The following MS4A6A variants were observed in gnomAD, a reference collection of about 807,000 sequenced individuals.
MS4A6A encodes membrane spanning 4-domains A6A, also known as membrane-spanning 4-domains subfamily A member 6A.
A neutral mutation model predicts 20.6 loss-of-function variants in MS4A6A; 19 were observed. That is an observed-to-expected ratio of 0.92 (90% CI 0.64 to 1.36). MS4A6A has a LOEUF of 1.36. MS4A6A is among the 40% of genes most tolerant of loss of function. The pLI is 0.00. For synonymous variants in MS4A6A, 108 were observed against 105.0 expected, an observed-to-expected ratio of 1.03 and a Z score of -0.17; for missense variants, 272 against 261.1, an observed-to-expected ratio of 1.04 and a Z score of -0.29.
chr11:60,180,884 C>T, intron 2 of MS4A6A: 4 of 367,210 alleles, frequency 1.1e-5, no homozygotes, highest in Non-Finnish European at 2.1e-5. Context: ...CCTTATGTCA[C>T]ATGAGCCTCA....
downstream of MS4A6A, among the ~76,000 whole-genome samples, chr11:60,171,827 T>C (rs1321216038): frequency 6.6e-6 from 1 of 152,218 alleles, no homozygotes; most frequent in Non-Finnish European, 1.5e-5. Context: ...ATCCATTGAA[T>C]GATCATTCTG....
chr11:60,183,125 G>A (rs2083828422), upstream of MS4A6A: 1 of 1,535,460 alleles, frequency 6.5e-7, no homozygotes, highest in South Asian at 1.2e-5. Context: ...TATACAGGAT[G>A]TGATACTCAC....
At chr11:60,174,425 C>T (rs1856735415) in intron 5 of MS4A6A, among the ~76,000 whole-genome samples, 1 of 151,636 alleles carries the variant, frequency 6.6e-6, no homozygotes, top group Admixed American at 6.6e-5. Context: ...CTCCCAGGCT[C>T]AGGTAATTCT....
chr11:60,176,490 A>G (rs1461020306), intron 4 of MS4A6A, among the ~76,000 whole-genome samples: 1 of 152,150 alleles, frequency 6.6e-6, no homozygotes, highest in African/African-American at 2.4e-5. Flanking sequence ...TTGTACTCCA[A>G]CTCACACAGA....
At position 60,175,941 on chromosome 11, in the gene MS4A6A, C is replaced by A. The variant is rs190875648; in HGVS notation, c.340-330G>T. On this transcript the variant is annotated intron_variant, in intron 4 of 5. Coordinates refer to ENST00000528851, the MANE Select transcript of MS4A6A (RefSeq NM_022349.4). Reference sequence around the variant, plus strand: ...TGCAACATTACCAAGAGAGCGTGACCCAAAGTGAAGGTGGCAACGTACCAG... The same window carrying A: ...TGCAACATTACCAAGAGAGCGTGACACAAAGTGAAGGTGGCAACGTACCAG... Among the ~76,000 whole-genome samples the A allele has an allele frequency of 1.2e-4, 18 of 152,216 alleles. No homozygotes were observed. The East Asian group carries it at 3.3e-3, about 28-fold the overall frequency.
chr11:60,178,898 TACCCAAAACTATCAA>T, intron 3 of MS4A6A: 1 of 404,486 alleles, frequency 2.5e-6, no homozygotes, highest in South Asian at 1.8e-5. Context: ...CAGCCAGCGC[TACCCAAAACTATCAA>T]AGTTCTCAAG....
At position 60,181,563 on chromosome 11, in the gene MS4A6A, G is replaced by T; in HGVS notation, c.147+18C>A. 1 of 1,613,570 alleles carries T rather than the reference G, an allele frequency of 6.2e-7. No individual in the cohort carries two copies. Among genetic ancestry groups the T allele is most frequent in the Non-Finnish European group, 8.5e-7 (1 of 1,179,706 alleles). On this transcript the variant is annotated intron_variant, in intron 2 of 5. Coordinates refer to ENST00000528851, the MANE Select transcript of MS4A6A (RefSeq NM_022349.4). ...ACTTCCCCCAACCCCTCTCCAACAC[G>T]TTCTGAATTAGATTTACCCCAATAA...
At chr11:60,173,664 A>G (rs1383469662) in intron 5 of MS4A6A, among the ~76,000 whole-genome samples, 2 of 152,200 alleles carry the variant, frequency 1.3e-5, no homozygotes, top group African/African-American at 4.8e-5. Context: ...ATCCCTGTCT[A>G]TGTATCTGAA....
upstream of MS4A6A, chr11:60,184,150 A>C (rs1266999484): frequency 6.6e-6 from 1 of 152,244 alleles, no homozygotes; most frequent in African/African-American, 2.4e-5. Flanking sequence ...TGAAGAAAGG[A>C]GTTAAGAAGC....
intron 2 of MS4A6A, 92 bp from the exon 3 acceptor site, chr11:60,180,057 C>A (rs546886853): frequency 7.8e-7 from 1 of 1,276,678 alleles, no homozygotes; most frequent in South Asian, 1.4e-5. Context: ...TGCATTATCG[C>A]CTTCTGCAAG....
chr11:60,182,400 C>T (rs1444555734), intron 1 of MS4A6A: 1 of 152,250 alleles, frequency 6.6e-6, no homozygotes, highest in South Asian at 2.1e-4. Context: ...TTCACACAGC[C>T]GGGAAGCTGT....
chr11:60,181,460 A>G, intron 2 of MS4A6A, 121 bp downstream of exon 2: 6 of 1,272,708 alleles, frequency 4.7e-6, no homozygotes, highest in Non-Finnish European at 6.5e-6. Flanking sequence ...CTTCTACCCT[A>G]AAGTCCCTCT....
Position 60,178,244 on chromosome 11 carries a change from T to C in MS4A6A, c.339+16A>G. 6.2e-7 allele frequency: 1 copy of C among 1,605,776 alleles called. No individual in the cohort carries two copies. On this transcript the variant is annotated intron_variant, in intron 4 of 5. Transcript: ENST00000528851. ...TTTTGATCCATTGGGTTGTGGGTTA[T>C]AGCTCTCTTACTCACCAAAAGCTTG...
intron 3 of MS4A6A, among the ~76,000 whole-genome samples, chr11:60,178,531 T>A (rs900668597): frequency 1.3e-5 from 2 of 151,300 alleles, no homozygotes; most frequent in African/African-American, 4.9e-5. Flanking sequence ...TATATCCTAA[T>A]AAACAAAAAA....
downstream of MS4A6A, chr11:60,172,429 C>G: frequency 1.5e-6 from 2 of 1,309,166 alleles, no homozygotes; most frequent in Non-Finnish European, 1.9e-6. Context: ...ATTCTACACT[C>G]TATAATACAA....
At position 60,183,020 on chromosome 11, in the gene MS4A6A, A is replaced by G; in HGVS notation, c.-57T>C. 7.0e-7 allele frequency: 1 copy of G among 1,418,738 alleles called. No individual in the cohort carries two copies. The highest frequency in any genetic ancestry group is 9.1e-7 in the Non-Finnish European group (1 of 1,094,282). The allele number at this position is 1,418,738 out of a possible 1,614,324, so 87.9% of individuals were successfully genotyped here. ...AGCTGAGTCCTCAGAAGCTCCAAAG[A>G]GGTTTTAACTCTGGTTTCTCAGTCC... On this transcript the variant is annotated 5_prime_UTR_variant, in exon 1 of 6. Coordinates refer to ENST00000528851, the MANE Select transcript of MS4A6A (RefSeq NM_022349.4).
chr11:60,175,559 C>T lies in MS4A6A; in HGVS notation c.392G>A (p.Gly131Asp). ...CTGTTTGACAGACAGGATAATGAAA[C>T]CCACCAGGGCAGACAGAGCACTCAG... ...SILSALSALV[G>D]FIILSVKQAT... The change falls in exon 5 of 6, where the codon GGT becomes GAT. Residue 131 changes from glycine (G) to aspartate (D), a missense_variant. Physicochemically the swap from Gly to Asp is moderately conservative, Grantham distance 94. Coordinates refer to ENST00000528851, the MANE Select transcript of MS4A6A (RefSeq NM_022349.4). The T allele has an allele frequency of 6.2e-7, 1 of 1,613,992 alleles. No individual in the cohort carries two copies. Among genetic ancestry groups the T allele is most frequent in the Non-Finnish European group, 8.5e-7 (1 of 1,180,022 alleles).
In MS4A6A at chr11:60,172,528, TTAAAA is replaced by T; in HGVS notation, c.*468_*472del. 6.0e-6 allele frequency: 7 copies of T among 1,158,740 alleles called. No homozygotes were observed. Among genetic ancestry groups the T allele is most frequent in the Non-Finnish European group, 6.4e-6 (6 of 938,574 alleles). 71.8% of individuals were successfully genotyped at this position (1,158,740 alleles called of 1,614,324 possible). A position where few individuals can be genotyped will look rare whatever the true frequency, so the allele number is the denominator to read the frequency against. The stretch of plus-strand genomic sequence containing the variant: ...TCAACAATACATTTTTAATATAGCT[TTAAAA>T]AGGCAAACGAATTTTAAGATCACCA... On this transcript the variant is annotated 3_prime_UTR_variant, in exon 6 of 6. Coordinates refer to ENST00000528851, the MANE Select transcript of MS4A6A (RefSeq NM_022349.4).
At chr11:60,183,767 A>T (rs1272407931), upstream of MS4A6A, 1 of 152,438 alleles carries the variant, frequency 6.6e-6, no homozygotes, top group African/African-American at 2.4e-5. Flanking sequence ...CTCTAACAAC[A>T]GATCTTTGCC....
Sources: allele counts gnomAD v4.1 joint callset (sites outside exome capture counted in the v4.1 genomes callset), GRCh38; gene constraint gnomAD v4.1.1; transcripts MANE v1.5; gene names NCBI Gene and HGNC (gene_info 2026-07-23, HGNC 2026-07-21).